The following ASIC2 variants were observed in gnomAD, a reference collection of about 807,000 sequenced individuals.
ASIC2 encodes acid sensing ion channel subunit 2.
Under a neutral mutation model 57.3 loss-of-function variants are expected in ASIC2, and 25 were observed. The ratio of observed to expected loss-of-function variants is 0.44; its 90% confidence interval spans 0.32 to 0.61. The LOEUF is 0.61. Among genes scored for constraint, ASIC2 ranks in the 20% least tolerant of loss-of-function variants. The pLI, the probability that ASIC2 is intolerant of heterozygous loss-of-function variation, is 0.06. For missense variants in ASIC2, 641 were observed against 738.1 expected, an observed-to-expected ratio of 0.87 and a Z score of 1.52; for synonymous variants, 319 against 307.5, an observed-to-expected ratio of 1.04 and a Z score of -0.39.
chr17:33,185,335 A>G (rs553184309), intron 1 of ASIC2, among the ~76,000 whole-genome samples: 79 of 152,264 alleles, frequency 5.2e-4, no homozygotes, highest in African/African-American at 1.8e-3. Context: ...TTGGGTGACT[A>G]TTTTTGTTAA....
At chr17:33,126,628 T>C (rs1490321892) in intron 1 of ASIC2, among the ~76,000 whole-genome samples, 1 of 151,956 alleles carries the variant, frequency 6.6e-6, no homozygotes, top group Admixed American at 6.5e-5. Flanking sequence ...CCACTAAAAA[T>C]ACAAAAAATT....
At chr17:33,579,434 A>G (rs1181654316) in intron 1 of ASIC2, among the ~76,000 whole-genome samples, 2 of 152,110 alleles carry the variant, frequency 1.3e-5, no homozygotes. Flanking sequence ...GATATAGACT[A>G]GGGCTGCGGG....
intron 1 of ASIC2, chr17:33,530,246 T>C (rs1417651534): frequency 2.6e-5 from 4 of 152,238 alleles, no homozygotes; most frequent in African/African-American, 4.8e-5. Context: ...ATATTCTGTG[T>C]GTTGGGTCAA....
At chr17:33,798,464 A>T (rs1352723953) in intron 1 of ASIC2, among the ~76,000 whole-genome samples, 4 of 152,192 alleles carry the variant, frequency 2.6e-5, no homozygotes, top group Non-Finnish European at 4.4e-5. Flanking sequence ...TCTTGATGGA[A>T]CAGCCCAAAG....
At chr17:33,579,595 G>A (rs1318329878) in intron 1 of ASIC2, among the ~76,000 whole-genome samples, 1 of 151,880 alleles carries the variant, frequency 6.6e-6, no homozygotes, top group Non-Finnish European at 1.5e-5. Context: ...CTTAAAGATG[G>A]TGTGTCGGGA....
intron 1 of ASIC2, among the ~76,000 whole-genome samples, chr17:33,420,735 C>T (rs1911016211): frequency 6.6e-6 from 1 of 152,110 alleles, no homozygotes; most frequent in Non-Finnish European, 1.5e-5. Flanking sequence ...GTAAATATTG[C>T]TCCCATGGCT....
At chr17:34,103,626 G>GGT (rs1910942193) in intron 1 of ASIC2, among the ~76,000 whole-genome samples, 1 of 151,538 alleles carries the variant, frequency 6.6e-6, no homozygotes, top group African/African-American at 2.4e-5. Flanking sequence ...AATTAAATGT[G>GGT]GTGTGTGTGG....
chr17:33,671,282 C>G (rs1907630351), intron 1 of ASIC2, among the ~76,000 whole-genome samples: 1 of 152,186 alleles, frequency 6.6e-6, no homozygotes, highest in South Asian at 2.1e-4. Context: ...CACATGTACA[C>G]ACGCACACCC....
intron 1 of ASIC2, chr17:34,146,732 A>C (rs967410200): frequency 2.0e-5 from 3 of 152,218 alleles, no homozygotes; most frequent in African/African-American, 7.2e-5. Context: ...AAGGGGACTG[A>C]TTAAGCTGTT....
intron 1 of ASIC2, among the ~76,000 whole-genome samples, chr17:33,519,123 A>G (rs1914665418): frequency 6.6e-6 from 1 of 152,174 alleles, no homozygotes; most frequent in African/African-American, 2.4e-5. Flanking sequence ...CCGGGCCGAT[A>G]ACTACTCTTT....
At chr17:33,583,332 C>T (rs1291529523) in intron 1 of ASIC2, among the ~76,000 whole-genome samples, 2 of 152,204 alleles carry the variant, frequency 1.3e-5, no homozygotes, top group Non-Finnish European at 2.9e-5. Flanking sequence ...GTCACTTGCC[C>T]TGCCTAAGCT....
At chr17:33,187,319 C>G (rs1906236464) in intron 1 of ASIC2, among the ~76,000 whole-genome samples, 1 of 152,208 alleles carries the variant, frequency 6.6e-6, no homozygotes, top group African/African-American at 2.4e-5. Flanking sequence ...CTCTCACCAA[C>G]CAGCTAATGC....
At chr17:34,144,666 C>G (rs1912368236) in intron 1 of ASIC2, among the ~76,000 whole-genome samples, 1 of 152,162 alleles carries the variant, frequency 6.6e-6, no homozygotes, top group Non-Finnish European at 1.5e-5. Flanking sequence ...ATATTGAAGT[C>G]TGGAGGTGTT....
At chr17:33,535,533 C>T (rs1915202820) in intron 1 of ASIC2, among the ~76,000 whole-genome samples, 1 of 152,006 alleles carries the variant, frequency 6.6e-6, no homozygotes, top group South Asian at 2.1e-4. Flanking sequence ...GTCTCGGCCT[C>T]CCAGAGTGCT....
intron 3 of ASIC2, among the ~76,000 whole-genome samples, chr17:33,071,316 T>C (rs540616068): frequency 1.3e-5 from 2 of 152,328 alleles, no homozygotes; most frequent in South Asian, 2.1e-4. Flanking sequence ...TTCATTTCAA[T>C]CTCCTCAAGT....
intron 2 of ASIC2, 56 bp downstream of exon 2, chr17:33,111,861 G>A: frequency 6.4e-7 from 1 of 1,550,668 alleles, no homozygotes; most frequent in Non-Finnish European, 8.7e-7. Flanking sequence ...GCCTTTCAGA[G>A]TCAGGCCTGC....
At chr17:33,661,003 A>T (rs1172605518) in intron 1 of ASIC2, among the ~76,000 whole-genome samples, 1 of 151,874 alleles carries the variant, frequency 6.6e-6, no homozygotes, top group African/African-American at 2.4e-5. Flanking sequence ...GCTGCCCTTC[A>T]CTATCCGGTC....
chr17:33,520,790 A>G (rs1450486398), intron 1 of ASIC2, among the ~76,000 whole-genome samples: 1 of 152,222 alleles, frequency 6.6e-6, no homozygotes, highest in African/African-American at 2.4e-5. Context: ...GTTCTGAGAT[A>G]GCAGGGAGTT....
chr17:33,470,738 TCA>T (rs1229184481), intron 1 of ASIC2, among the ~76,000 whole-genome samples: 1 of 152,166 alleles, frequency 6.6e-6, no homozygotes, highest in Non-Finnish European at 1.5e-5. Flanking sequence ...CTTTCAGAAA[TCA>T]CACACACCCA....
Sources: gnomAD v4.1 joint callset for allele counts (sites outside exome capture counted in the v4.1 genomes callset) on GRCh38, gnomAD v4.1.1 for gene constraint, MANE v1.5 for transcripts, NCBI Gene and HGNC (gene_info 2026-07-23, HGNC 2026-07-21) for gene names.